Variants in CCDC12 observed in about 807,000 individuals in gnomAD.
CCDC12 encodes the protein coiled-coil domain-containing protein 12.
A neutral mutation model predicts 25.7 loss-of-function variants in CCDC12; 28 were observed. That is an observed-to-expected ratio of 1.09 (90% CI 0.81 to 1.50). The LOEUF (loss-of-function observed/expected upper bound fraction) is 1.50. Ranked by LOEUF, CCDC12 falls within the 40% of genes most tolerant of loss-of-function variation. The pLI, the probability that CCDC12 is intolerant of heterozygous loss-of-function variation, is 0.00. For missense variants in CCDC12, 198 were observed against 210.0 expected, an observed-to-expected ratio of 0.94 and a Z score of 0.35; for synonymous variants, 75 against 87.7, an observed-to-expected ratio of 0.86 and a Z score of 0.81.
At chr3:46,951,710 G>A (rs2034119746) in intron 1 of CCDC12, among the ~76,000 whole-genome samples, 1 of 141,814 alleles carries the variant, frequency 7.1e-6, no homozygotes, top group Admixed American at 7.2e-5. Flanking sequence ...AACTAGGGAG[G>A]CGGAGCTTGC....
chr3:46,942,949 A>T (rs1173887027), intron 1 of CCDC12, among the ~76,000 whole-genome samples: 1 of 152,148 alleles, frequency 6.6e-6, no homozygotes, highest in African/African-American at 2.4e-5. Flanking sequence ...AAGAGCATGC[A>T]GGTGACTGGG....
intron 1 of CCDC12, among the ~76,000 whole-genome samples, chr3:46,971,443 C>G (rs2034799369): frequency 6.6e-6 from 1 of 152,242 alleles, no homozygotes; most frequent in African/African-American, 2.4e-5. Context: ...TCTCCTCAGC[C>G]TCTTGCCTTG....
intron 2 of CCDC12, among the ~76,000 whole-genome samples, chr3:46,932,833 C>T (rs1176641329): frequency 2.6e-5 from 4 of 152,262 alleles, no homozygotes; most frequent in East Asian, 1.9e-4. Context: ...CATGGCCTCT[C>T]AGAGGCCACC....
intron 2 of CCDC12, among the ~76,000 whole-genome samples, chr3:46,932,745 G>A (rs543218255): frequency 1.3e-5 from 2 of 152,274 alleles, no homozygotes; most frequent in East Asian, 3.9e-4. Context: ...GAGTGGGAGC[G>A]CCTTTGTGCC....
intron 1 of CCDC12, among the ~76,000 whole-genome samples, chr3:46,974,049 C>A (rs1448811133): frequency 1.3e-5 from 2 of 152,174 alleles, no homozygotes; most frequent in Non-Finnish European, 2.9e-5. Flanking sequence ...TATGCTACAA[C>A]ATGGATGAAG....
intron 1 of CCDC12, among the ~76,000 whole-genome samples, chr3:46,966,796 G>A (rs1042204659): frequency 1.5e-4 from 23 of 152,232 alleles, no homozygotes; most frequent in African/African-American, 5.1e-4. Flanking sequence ...AACCCAGCTG[G>A]CCTGGATTCC....
chr3:46,970,519 T>C (rs941517274), intron 1 of CCDC12, among the ~76,000 whole-genome samples: 9 of 152,144 alleles, frequency 5.9e-5, no homozygotes, highest in African/African-American at 2.2e-4. Flanking sequence ...CTGCACAAAG[T>C]TCTAGTGAGC....
At chr3:46,925,051 G>T in intron 3 of CCDC12, 1 of 365,622 alleles carries the variant, frequency 2.7e-6, no homozygotes, top group Non-Finnish European at 5.4e-6. Context: ...CCACTGCTGT[G>T]TGTGGCTGAA....
chr3:46,970,656 C>T (rs2034777408), intron 1 of CCDC12, among the ~76,000 whole-genome samples: 1 of 152,226 alleles, frequency 6.6e-6, no homozygotes, highest in Admixed American at 6.5e-5. Flanking sequence ...CTCCCTGTCT[C>T]AGAGCAGCAA....
At chr3:46,979,601 T>G, upstream of CCDC12, 2 of 276,628 alleles carry the variant, frequency 7.2e-6, no homozygotes, top group Non-Finnish European at 6.7e-6. Flanking sequence ...GCCCTTTACA[T>G]GGTCCCAGGA....
intron 1 of CCDC12, 145 bp from the exon 2 acceptor site, chr3:46,941,210 A>C (rs2033688490): frequency 1.4e-6 from 1 of 721,858 alleles, no homozygotes; most frequent in African/African-American, 1.7e-5. Flanking sequence ...AACAGGGTAC[A>C]CGCCTGCTGC....
rs192828301 is a variant in CCDC12, at chr3:46,958,881, T to C, written c.96+17756A>G. Among the ~76,000 whole-genome samples the C allele has an allele frequency of 3.9e-5, 6 of 152,294 alleles. No homozygotes were observed. The East Asian group carries it at 1.2e-3, about 29-fold the overall frequency. On this transcript the variant is annotated intron_variant, in intron 1 of 6. Transcript: ENST00000683445. The stretch of plus-strand genomic sequence containing the variant: ...CCAACACACAGCTGAGCATGAAATA[T>C]ACCAGACCCCAGCATCAGGCACCCC...
chr3:46,976,113 TG>T, intron 1 of CCDC12: 1 of 167,306 alleles, frequency 6.0e-6, no homozygotes, highest in Non-Finnish European at 1.2e-5. Flanking sequence ...CCCAAAGCAC[TG>T]GGATTACAGG....
At chr3:46,948,443 G>A (rs1439867102) in intron 1 of CCDC12, among the ~76,000 whole-genome samples, 5 of 152,206 alleles carry the variant, frequency 3.3e-5, no homozygotes, top group Middle Eastern at 3.2e-3. Context: ...GTGCCTCAAC[G>A]CTGTGGGGAG....
At chr3:46,931,332 G>C (rs2033203723) in intron 2 of CCDC12, among the ~76,000 whole-genome samples, 1 of 152,218 alleles carries the variant, frequency 6.6e-6, no homozygotes, top group Non-Finnish European at 1.5e-5. Flanking sequence ...ATGTGCCAAT[G>C]AGAGGAAGCA....
At chr3:46,976,760 C>G, upstream of CCDC12, 1 of 1,586,264 alleles carries the variant, frequency 6.3e-7, no homozygotes, top group East Asian at 2.3e-5. Context: ...CTCCTTTTCT[C>G]CCGTCTTGCA....
chr3:46,953,604 C>T (rs993950083), intron 1 of CCDC12, among the ~76,000 whole-genome samples: 1 of 151,562 alleles, frequency 6.6e-6, no homozygotes, highest in Admixed American at 6.6e-5. Context: ...GGCACTCAGG[C>T]CTGACACAGC....
intron 1 of CCDC12, among the ~76,000 whole-genome samples, chr3:46,975,790 C>G (rs1163442691): frequency 2.0e-5 from 3 of 150,728 alleles, no homozygotes; most frequent in African/African-American, 4.9e-5. Flanking sequence ...CTCGGCCTCC[C>G]AAAGTACTGG....
At chr3:46,950,517 C>A (rs1269825514) in intron 1 of CCDC12, among the ~76,000 whole-genome samples, 3 of 147,714 alleles carry the variant, frequency 2.0e-5, no homozygotes, top group Non-Finnish European at 3.0e-5. Context: ...CAGGGTCTAA[C>A]TATATTGCCA....
Sources: allele counts gnomAD v4.1 joint callset (sites outside exome capture counted in the v4.1 genomes callset), GRCh38; gene constraint gnomAD v4.1.1; transcripts MANE v1.5; gene names NCBI Gene and HGNC (gene_info 2026-07-23, HGNC 2026-07-21).